Variants in JAKMIP3 observed in about 807,000 individuals in gnomAD.
The protein encoded by JAKMIP3 is janus kinase and microtubule-interacting protein 3.
A neutral mutation model predicts 118.5 loss-of-function variants in JAKMIP3; 58 were observed. That is an observed-to-expected ratio of 0.49 (90% confidence interval 0.40 to 0.61). The LOEUF (loss-of-function observed/expected upper bound fraction) is 0.61, where lower values mean the gene tolerates loss of function less well. Among genes scored for constraint, JAKMIP3 ranks in the 20% least tolerant of loss-of-function variants. The pLI is 0.00. For missense variants in JAKMIP3, 950 were observed against 1,109.0 expected (o/e 0.86, Z 2.04); for synonymous variants, 486 against 451.2 (o/e 1.08, Z -0.98).
chr10:132,089,253 T>A (rs886271303), intron 1 of JAKMIP3, among the ~76,000 whole-genome samples: 1 of 152,194 alleles, frequency 6.6e-6, no homozygotes, highest in Non-Finnish European at 1.5e-5. Context: ...AGAAAGTCAT[T>A]GGTAGCTTGA....
chr10:132,168,571 CTG>C lies in JAKMIP3; in HGVS notation c.*644_*645del, dbSNP rs1590022206. 1 of 388,280 alleles carries C rather than the reference CTG, an allele frequency of 2.6e-6. No individual in the cohort carries two copies. The highest frequency in any genetic ancestry group is 7.4e-5 in the East Asian group (1 of 13,484). 24.1% of individuals were successfully genotyped at this position (388,280 alleles called of 1,614,324 possible). On this transcript the variant is annotated 3_prime_UTR_variant, in exon 23 of 24. Coordinates refer to ENST00000684848, the MANE Select transcript of JAKMIP3 (RefSeq NM_001323087.2). Reference sequence around the variant, plus strand: ...CATCCACCCTCGTTCATCATCATCTCTGTGGGGACAGACAAGAGCCGTGGCCG... The same window carrying C: ...CATCCACCCTCGTTCATCATCATCTCTGGGGACAGACAAGAGCCGTGGCCG...
chr10:132,073,387 A>G (rs1375816474), intron 1 of JAKMIP3, among the ~76,000 whole-genome samples: 4 of 151,802 alleles, frequency 2.6e-5, no homozygotes, highest in African/African-American at 4.8e-5. Flanking sequence ...GGGTTTCACC[A>G]TGTTAGCCAG....
intron 23 of JAKMIP3, among the ~76,000 whole-genome samples, chr10:132,180,656 T>TGCGCGC (rs1299558343): frequency 6.1e-5 from 1 of 16,338 alleles, no homozygotes; most frequent in African/African-American, 2.5e-4. Context: ...CGTGTGCGTG[T>TGCGCGC]GCGTGTGTGC....
chr10:132,131,625 A>G (rs1244812215), intron 3 of JAKMIP3, among the ~76,000 whole-genome samples: 2 of 152,030 alleles, frequency 1.3e-5, no homozygotes, highest in Non-Finnish European at 2.9e-5. Flanking sequence ...GGGTAGGCAC[A>G]GGAGAGGACA....
intron 1 of JAKMIP3, among the ~76,000 whole-genome samples, chr10:132,088,973 C>T (rs1011531311): frequency 6.6e-6 from 1 of 152,124 alleles, no homozygotes; most frequent in African/African-American, 2.4e-5. Flanking sequence ...GAATCCTTTC[C>T]CCACTGCTTG....
upstream of JAKMIP3, among the ~76,000 whole-genome samples, chr10:132,061,917 C>T (rs73395739): frequency 0.11 from 16,019 of 152,250 alleles, 928 homozygotes; most frequent in Middle Eastern, 0.18. Flanking sequence ...GCTGAGGCTT[C>T]GCCAACACTG....
chr10:132,164,861 G>C (rs1377460693), intron 21 of JAKMIP3, 126 bp downstream of exon 21: 2 of 681,524 alleles, frequency 2.9e-6, no homozygotes, highest in Non-Finnish European at 5.2e-6. Flanking sequence ...ACAGCAGCGG[G>C]AAGCGGCCGC....
chr10:132,066,377 C>T (rs987251450), intron 1 of JAKMIP3, among the ~76,000 whole-genome samples: 2 of 152,176 alleles, frequency 1.3e-5, no homozygotes, highest in African/African-American at 4.8e-5. Flanking sequence ...CTTGTTGGCA[C>T]GGCAGCCGTG....
chr10:132,140,358 G>A (rs2053238370), intron 9 of JAKMIP3, 93 bp from the exon 10 acceptor site: 21 of 1,533,520 alleles, frequency 1.4e-5, no homozygotes, highest in East Asian at 6.8e-5. Flanking sequence ...GTGGGGCTGC[G>A]GCCCCCACCG....
chr10:132,070,254 TC>T (rs1421587047), intron 1 of JAKMIP3, among the ~76,000 whole-genome samples: 2 of 152,070 alleles, frequency 1.3e-5, no homozygotes, highest in Non-Finnish European at 2.9e-5. Flanking sequence ...TTCAAGAAAT[TC>T]TCCTACCTCA....
chr10:132,059,143 G>A (rs964375787), intron 1 of JAKMIP3, among the ~76,000 whole-genome samples: 11 of 152,254 alleles, frequency 7.2e-5, no homozygotes, highest in African/African-American at 2.2e-4. Flanking sequence ...CTAAAAGAAC[G>A]TCCTGGGGCT....
Position 132,168,133 on chromosome 10 carries a change from G to A in JAKMIP3, c.*203G>A, listed in dbSNP as rs1369334440. The stretch of plus-strand genomic sequence containing the variant: ...GCTGCCGTCCACGTGGGATGTGCCA[G>A]AACTAGAACTGGCTCTGCCGACTTC... On this transcript the variant is annotated 3_prime_UTR_variant, in exon 23 of 24. Transcript: ENST00000684848. 2.3e-6 allele frequency: 3 copies of A among 1,287,444 alleles called. No individual in the cohort carries two copies. The highest frequency in any genetic ancestry group is 1.5e-5 in the African/African-American group (1 of 65,782). The allele number at this position is 1,287,444 out of a possible 1,614,324, so 79.8% of individuals were successfully genotyped here.
intron 1 of JAKMIP3, among the ~76,000 whole-genome samples, chr10:132,068,534 A>T (rs907826033): frequency 6.6e-6 from 1 of 152,054 alleles, no homozygotes; most frequent in Non-Finnish European, 1.5e-5. Context: ...TCTTATCTCA[A>T]TATAGCCCTG....
Position 132,141,986 on chromosome 10 carries a change from C to T in JAKMIP3, c.1540C>T (p.Arg514Cys), listed in dbSNP as rs1196377430. ...QLTMEYQALQ[R>C]AYALLQEQVG... ...GACCATGGAGTACCAGGCCCTGCAGCGTGCCTACGCTTTGTTGCAGGAGCA... is the reference window on the plus strand; with the variant it reads ...GACCATGGAGTACCAGGCCCTGCAGTGTGCCTACGCTTTGTTGCAGGAGCA... Residue 514 changes from arginine to cysteine, a missense_variant, in exon 11 of 24, where the codon CGT (arginine) becomes TGT (cysteine). Physicochemically the swap from Arg to Cys is radical, Grantham distance 180. Coordinates refer to ENST00000684848, the MANE Select transcript of JAKMIP3 (RefSeq NM_001323087.2). 6 of 1,604,034 alleles carry T rather than the reference C, an allele frequency of 3.7e-6. No homozygotes were observed. The highest frequency in any genetic ancestry group is 4.3e-6 in the Non-Finnish European group (5 of 1,175,660).
chr10:132,132,055 G>A (rs143014172), intron 3 of JAKMIP3, among the ~76,000 whole-genome samples: 2 of 152,326 alleles, frequency 1.3e-5, no homozygotes, highest in African/African-American at 4.8e-5. Flanking sequence ...TATTTCACCG[G>A]CCCCATTCCT....
chr10:132,153,061 G>A, intron 17 of JAKMIP3, 38 bp downstream of exon 17: 1 of 1,523,186 alleles, frequency 6.6e-7, no homozygotes, highest in East Asian at 2.3e-5. Flanking sequence ...AGAGGGCCGG[G>A]CTCCTGGGGT....
chr10:132,115,815 T>C (rs1564915699), intron 2 of JAKMIP3, among the ~76,000 whole-genome samples: 1 of 152,232 alleles, frequency 6.6e-6, no homozygotes, highest in Non-Finnish European at 1.5e-5. Flanking sequence ...TCATTTAAGA[T>C]TCTGTCAACC....
intron 1 of JAKMIP3, among the ~76,000 whole-genome samples, chr10:132,087,911 T>A (rs1173240702): frequency 6.6e-5 from 10 of 152,038 alleles, no homozygotes; most frequent in African/African-American, 9.7e-5. Flanking sequence ...CCTGTGTCCA[T>A]GTGTTCTCAT....
At chr10:132,104,548 G>A in intron 1 of JAKMIP3, 124 bp from the exon 2 acceptor site, 1 of 496,658 alleles carries the variant, frequency 2.0e-6, no homozygotes, top group East Asian at 3.4e-5. Flanking sequence ...CGTCGTCCAG[G>A]TAGCATCCTC....
Sources: allele counts gnomAD v4.1 joint callset (sites outside exome capture counted in the v4.1 genomes callset), GRCh38; gene constraint gnomAD v4.1.1; transcripts MANE v1.5; gene names NCBI Gene and HGNC (gene_info 2026-07-23, HGNC 2026-07-21).